The following NAP1L1 variants were observed in gnomAD, a reference collection of about 807,000 sequenced individuals.
NAP1L1 encodes nucleosome assembly protein 1-like 1.
Under a neutral mutation model 58.9 loss-of-function variants are expected in NAP1L1, and 9 were observed. That is an observed-to-expected ratio of 0.15 (90% confidence interval 0.09 to 0.27). The LOEUF is 0.27. Among genes scored for constraint, NAP1L1 ranks in the 10% least tolerant of loss-of-function variants. The pLI, the probability that NAP1L1 is intolerant of heterozygous loss-of-function variation, is 1.00. For missense variants in NAP1L1, 302 were observed against 458.8 expected, an observed-to-expected ratio of 0.66 and a Z score of 3.12; for synonymous variants, 130 against 138.3, an observed-to-expected ratio of 0.94 and a Z score of 0.42.
rs1036894387 is a variant in NAP1L1, at chr12:76,057,682, G to C, written c.430-1521C>G. On this transcript the variant is annotated intron_variant, in intron 6 of 14. Transcript: ENST00000618691. ...AATAGAGTACTGTGAATATATGCCT[G>C]ATGTTGCTAAATGTAGACAATGATT... is the stretch of plus-strand genomic sequence containing the variant. 4 of 1,486,680 alleles carry C rather than the reference G, an allele frequency of 2.7e-6. No individual in the cohort carries two copies. In the African/African-American group the frequency reaches 4.2e-5, roughly 16 times the overall value. The allele number at this position is 1,486,680 out of a possible 1,614,324, so 92.1% of individuals were successfully genotyped here.
chr12:76,069,106 T>C (rs1218030752), intron 2 of NAP1L1, 112 bp from the exon 3 acceptor site: 4 of 753,212 alleles, frequency 5.3e-6, no homozygotes, highest in Admixed American at 2.4e-5. Context: ...AGACATGAAA[T>C]AGGAAATTCA....
At chr12:76,068,768 ACACACACAC>A in intron 3 of NAP1L1, 132 bp downstream of exon 3, 1 of 629,834 alleles carries the variant, frequency 1.6e-6, no homozygotes, top group South Asian at 1.8e-5. Flanking sequence ...ACACACACAC[ACACACACAC>A]ACTAGAAGTA....
In NAP1L1 at chr12:76,036,920, A is replaced by C. The variant is rs1383505224; in HGVS notation, c.*11509T>G. The C allele has an allele frequency of 6.8e-6, 1 of 147,456 alleles. No individual in the cohort carries two copies. Among genetic ancestry groups the C allele is most frequent in the African/African-American group, 2.5e-5 (1 of 40,244 alleles). 9.1% of individuals were successfully genotyped at this position (147,456 alleles called of 1,614,324 possible). ...AAACCCCGTCTCTACTAAAAATACA[A>C]AAAAAAAAAAAACCCACAGCGCCTG... On this transcript the variant is annotated 3_prime_UTR_variant, in exon 15 of 15. Coordinates refer to ENST00000618691, the MANE Select transcript of NAP1L1 (RefSeq NM_004537.7).
At chr12:76,060,517 A>AC (rs1386323671) in intron 4 of NAP1L1, among the ~76,000 whole-genome samples, 26 of 152,332 alleles carry the variant, frequency 1.7e-4, no homozygotes, top group African/African-American at 5.8e-4. Context: ...CATATTGTCA[A>AC]CCCTAAATCT....
At chr12:76,065,018 T>C (rs1472647581) in intron 4 of NAP1L1, among the ~76,000 whole-genome samples, 1 of 152,304 alleles carries the variant, frequency 6.6e-6, no homozygotes, top group East Asian at 1.9e-4. Context: ...ACTTTCTTTA[T>C]GCACATACAT....
At chr12:76,063,572 T>A (rs1304913038) in intron 4 of NAP1L1, among the ~76,000 whole-genome samples, 1 of 151,968 alleles carries the variant, frequency 6.6e-6, no homozygotes, top group African/African-American at 2.4e-5. Context: ...CCCAGGCAGG[T>A]GAATCACTTT....
chr12:76,083,243 A>T (rs2137128966), intron 1 of NAP1L1, among the ~76,000 whole-genome samples: 1 of 151,764 alleles, frequency 6.6e-6, no homozygotes, highest in East Asian at 1.9e-4. Flanking sequence ...ATTCCATCCC[A>T]CCTCCCATCT....
intron 2 of NAP1L1, among the ~76,000 whole-genome samples, chr12:76,071,049 T>C (rs2137069384): frequency 6.6e-6 from 1 of 152,274 alleles, no homozygotes; most frequent in South Asian, 2.1e-4. Flanking sequence ...CTATTGCTTA[T>C]TTGTATTTAT....
At chr12:76,061,189 G>GC in intron 4 of NAP1L1, 1 of 222,824 alleles carries the variant, frequency 4.5e-6, no homozygotes, top group Non-Finnish European at 9.6e-6. Context: ...AGGTTTAGGG[G>GC]TGTATGTGAA....
intron 3 of NAP1L1, among the ~76,000 whole-genome samples, chr12:76,068,307 G>T (rs1296225437): frequency 6.6e-6 from 1 of 152,048 alleles, no homozygotes; most frequent in Non-Finnish European, 1.5e-5. Flanking sequence ...AAAAGCTGAA[G>T]CTATTAATAC....
In NAP1L1 at chr12:76,039,897, A is replaced by G. The variant is rs1948536435; in HGVS notation, c.*8532T>C. ...AAATCCCACTAGTTTAAAACTATACATGGAATAGCAATGAAGTTTTTCTCG... is the reference window on the plus strand; with the variant it reads ...AAATCCCACTAGTTTAAAACTATACGTGGAATAGCAATGAAGTTTTTCTCG... On this transcript the variant is annotated 3_prime_UTR_variant, in exon 15 of 15. Transcript: ENST00000618691. 1 of 152,238 alleles carries G rather than the reference A, an allele frequency of 6.6e-6. No homozygotes were observed. Among genetic ancestry groups the G allele is most frequent in the African/African-American group, 2.4e-5 (1 of 41,466 alleles). The allele number at this position is 152,238 out of a possible 1,614,324, so 9.4% of individuals were successfully genotyped here. A position where few individuals can be genotyped will look rare whatever the true frequency, so the allele number is the denominator to read the frequency against.
chr12:76,064,723 C>G (rs1949583142), intron 4 of NAP1L1, among the ~76,000 whole-genome samples: 1 of 151,580 alleles, frequency 6.6e-6, no homozygotes, highest in Admixed American at 6.6e-5. Context: ...CAATTTTAAA[C>G]CTAAATATGT....
intron 6 of NAP1L1, chr12:76,056,738 C>A (rs994309022): frequency 5.6e-5 from 24 of 431,976 alleles, no homozygotes; most frequent in Non-Finnish European, 1.1e-4. Context: ...GTAAGCCAGG[C>A]GCAGTGGCTC....
intron 6 of NAP1L1, chr12:76,057,350 C>T: frequency 2.7e-6 from 1 of 371,256 alleles, no homozygotes; most frequent in South Asian, 2.5e-5. Flanking sequence ...GATGGTGGTG[C>T]CAGGTTGAAT....
rs1047968627 is a variant in NAP1L1 at position 76,047,799 on chromosome 12, C to T, written c.*630G>A. ...AATTCAGGCTAACTTCTGAAAATCC[C>T]GTTTTATTCACCTCACTGTGGTACC... On this transcript the variant is annotated 3_prime_UTR_variant, in exon 15 of 15. Coordinates refer to ENST00000618691, the MANE Select transcript of NAP1L1 (RefSeq NM_004537.7). 1 of 151,936 alleles carries T rather than the reference C, an allele frequency of 6.6e-6. No individual in the cohort carries two copies. The highest frequency in any genetic ancestry group is 1.5e-5 in the Non-Finnish European group (1 of 67,870). The allele number at this position is 151,936 out of a possible 1,614,324, so 9.4% of individuals were successfully genotyped here. A position where few individuals can be genotyped will look rare whatever the true frequency, so the allele number is the denominator to read the frequency against.
intron 4 of NAP1L1, among the ~76,000 whole-genome samples, chr12:76,062,075 G>A (rs1352259902): frequency 1.3e-5 from 2 of 152,186 alleles, no homozygotes; most frequent in South Asian, 2.1e-4. Context: ...TAGCAGTTCC[G>A]CAAGAAAGCT....
chr12:76,056,827 C>T, intron 6 of NAP1L1: 1 of 321,908 alleles, frequency 3.1e-6, no homozygotes, highest in Non-Finnish European at 6.2e-6. Context: ...GCCTGGCCAA[C>T]ATGGCGAAAC....
rs1948531951 is a variant in NAP1L1 at position 76,039,659 on chromosome 12, A to G, written c.*8770T>C. On this transcript the variant is annotated 3_prime_UTR_variant, in exon 15 of 15. Coordinates refer to ENST00000618691, the MANE Select transcript of NAP1L1 (RefSeq NM_004537.7). The stretch of plus-strand genomic sequence containing the variant: ...TTTAACCACTAGTTGTGTGACAGAA[A>G]TATCTACAAGGCAGTGCAAAGTGTA... 1 of 152,240 alleles carries G rather than the reference A, an allele frequency of 6.6e-6. No homozygotes were observed. Among genetic ancestry groups the G allele is most frequent in the South Asian group, 2.1e-4 (1 of 4,830 alleles). The allele number at this position is 152,240 out of a possible 1,614,324, so 9.4% of individuals were successfully genotyped here. A position where few individuals can be genotyped will look rare whatever the true frequency, so the allele number is the denominator to read the frequency against.
At chr12:76,064,732 G>GTA (rs1259864241) in intron 4 of NAP1L1, among the ~76,000 whole-genome samples, 1 of 151,482 alleles carries the variant, frequency 6.6e-6, no homozygotes, top group African/African-American at 2.4e-5. Context: ...ACCTAAATAT[G>GTA]TACATGTTTA....
Sources: allele counts gnomAD v4.1 joint callset (sites outside exome capture counted in the v4.1 genomes callset), GRCh38; gene constraint gnomAD v4.1.1; transcripts MANE v1.5; gene names NCBI Gene and HGNC (gene_info 2026-07-23, HGNC 2026-07-21).